Variants in DNM3 observed in about 807,000 individuals in gnomAD.
DNM3 encodes dynamin 3, also known as dynamin-3.
In DNM3, 47 loss-of-function variants were observed where a neutral mutation model predicts 101.6. The observed-to-expected ratio is 0.46, with a 90% CI of 0.37 to 0.59. DNM3 has a LOEUF of 0.59. Ranked by LOEUF, DNM3 falls within the 20% of genes least tolerant of loss-of-function variation. The pLI, the probability that DNM3 is intolerant of heterozygous loss-of-function variation, is 0.00. For synonymous variants in DNM3, 385 were observed against 387.9 expected (o/e 0.99, Z 0.09); for missense variants, 849 against 1,085.7 (o/e 0.78, Z 3.06).
chr1:172,230,566 A>C (rs1376454578), intron 14 of DNM3, among the ~76,000 whole-genome samples: 1 of 152,172 alleles, frequency 6.6e-6, no homozygotes, highest in Admixed American at 6.5e-5. Context: ...ATATAGTAAC[A>C]GTGTTTTAAC....
At chr1:172,372,199 AATG>A (rs965664996) in intron 17 of DNM3, among the ~76,000 whole-genome samples, 5 of 151,310 alleles carry the variant, frequency 3.3e-5, no homozygotes, top group Non-Finnish European at 7.4e-5. Context: ...GTTTACTGAG[AATG>A]ATGATTTCCA....
intron 13 of DNM3, among the ~76,000 whole-genome samples, chr1:172,120,762 G>A (rs1302156871): frequency 6.6e-6 from 1 of 152,194 alleles, no homozygotes; most frequent in African/African-American, 2.4e-5. Context: ...ACCAACCAGA[G>A]TTATAACTTT....
intron 14 of DNM3, chr1:172,137,764 A>G (rs1455647595): frequency 6.6e-6 from 1 of 152,196 alleles, no homozygotes; most frequent in African/African-American, 2.4e-5. Flanking sequence ...GAACTAAATA[A>G]AAGTTGACAC....
At chr1:172,069,724 G>A (rs924291258) in intron 11 of DNM3, among the ~76,000 whole-genome samples, 3 of 152,140 alleles carry the variant, frequency 2.0e-5, no homozygotes, top group African/African-American at 7.2e-5. Flanking sequence ...CCATGTGCTC[G>A]CCACAAAATA....
Position 172,257,632 on chromosome 1 carries a change from C to T in DNM3, c.1769+3950C>T, listed in dbSNP as rs555115300. On this transcript the variant is annotated intron_variant, in intron 15 of 20. Coordinates refer to ENST00000627582, the MANE Select transcript of DNM3 (RefSeq NM_015569.5). ...ATGGAGTACATGTGATATTCTATTA[C>T]ACGCATAGCATATGTAATTATCAAA... is the stretch of plus-strand genomic sequence containing the variant. 3.9e-5 allele frequency among the ~76,000 whole-genome samples: 6 copies of T among 152,120 alleles called. No individual in the cohort carries two copies. The South Asian group carries it at 1.2e-3, about 32-fold the overall frequency.
intron 4 of DNM3, among the ~76,000 whole-genome samples, chr1:172,030,090 T>G (rs904574980): frequency 6.6e-6 from 1 of 152,032 alleles, no homozygotes; most frequent in Non-Finnish European, 1.5e-5. Context: ...AAAGAGCCCA[T>G]GTAGCCAAGA....
At chr1:172,007,454 C>G (rs1298379551) in intron 4 of DNM3, among the ~76,000 whole-genome samples, 1 of 152,106 alleles carries the variant, frequency 6.6e-6, no homozygotes, top group African/African-American at 2.4e-5. Flanking sequence ...AATGTCTGTT[C>G]AAATCTTTTG....
At chr1:172,110,018 A>G (rs955480954) in intron 13 of DNM3, among the ~76,000 whole-genome samples, 7 of 152,192 alleles carry the variant, frequency 4.6e-5, no homozygotes, top group African/African-American at 1.7e-4. Context: ...TTTGGTGCAA[A>G]CAAAAAAAAT....
intron 11 of DNM3, among the ~76,000 whole-genome samples, chr1:172,072,120 G>A (rs2052246218): frequency 6.6e-6 from 1 of 152,120 alleles, no homozygotes; most frequent in Admixed American, 6.5e-5. Context: ...CCTTATAGTG[G>A]CAACAATTTA....
Position 172,409,998 on chromosome 1 carries a change from C to T in DNM3, c.*2157C>T. 1.0e-6 allele frequency: 1 copy of T among 985,696 alleles called. No individual in the cohort carries two copies. The highest frequency in any genetic ancestry group is 1.2e-6 in the Non-Finnish European group (1 of 829,852). The allele number at this position is 985,696 out of a possible 1,614,324, so 61.1% of individuals were successfully genotyped here. A position where few individuals can be genotyped will look rare whatever the true frequency, so the allele number is the denominator to read the frequency against. ...GATCTTAGGCAGTAATAAACAATGGCATTTGTCATCTTTGGCACTTGCTTT... is the reference window on the plus strand; with the variant it reads ...GATCTTAGGCAGTAATAAACAATGGTATTTGTCATCTTTGGCACTTGCTTT... On this transcript the variant is annotated 3_prime_UTR_variant, in exon 21 of 21. Coordinates refer to ENST00000627582, the MANE Select transcript of DNM3 (RefSeq NM_015569.5).
At chr1:172,100,204 A>G (rs1040469416) in intron 13 of DNM3, among the ~76,000 whole-genome samples, 15 of 152,166 alleles carry the variant, frequency 9.9e-5, no homozygotes, top group African/African-American at 3.6e-4. Flanking sequence ...GGCTTCTCAA[A>G]CCTACAGGTC....
intron 14 of DNM3, among the ~76,000 whole-genome samples, chr1:172,188,742 G>T (rs1042198285): frequency 6.6e-6 from 1 of 152,038 alleles, no homozygotes; most frequent in Non-Finnish European, 1.5e-5. Context: ...GTTTAGTTTT[G>T]TAAGAAACTA....
At chr1:172,323,282 T>G in intron 16 of DNM3, 47 bp from the exon 17 acceptor site, 1 of 1,535,480 alleles carries the variant, frequency 6.5e-7, no homozygotes, top group Non-Finnish European at 8.8e-7. Flanking sequence ...AAAATAAATT[T>G]CTGTTTAACA....
chr1:172,146,983 C>T (rs779606692), intron 14 of DNM3, among the ~76,000 whole-genome samples: 1 of 152,068 alleles, frequency 6.6e-6, no homozygotes, highest in Non-Finnish European at 1.5e-5. Context: ...CATTATGACT[C>T]GTGAAACATT....
intron 2 of DNM3, among the ~76,000 whole-genome samples, chr1:171,974,563 A>G (rs1472530037): frequency 1.3e-5 from 2 of 152,258 alleles, no homozygotes; most frequent in Non-Finnish European, 2.9e-5. Context: ...AAAGAAAACC[A>G]TAATACAAAG....
chr1:171,931,174 A>G (rs2040977370), intron 2 of DNM3, among the ~76,000 whole-genome samples: 1 of 152,234 alleles, frequency 6.6e-6, no homozygotes, highest in Non-Finnish European at 1.5e-5. Flanking sequence ...AAATATTTGG[A>G]AAAATATTCC....
intron 4 of DNM3, among the ~76,000 whole-genome samples, chr1:172,012,850 GA>G (rs2047216585): frequency 1.3e-5 from 2 of 151,896 alleles, no homozygotes; most frequent in African/African-American, 4.8e-5. Context: ...GGGTTATTCA[GA>G]ATTGTTGAAA....
chr1:172,397,815 A>T (rs1369517120), intron 20 of DNM3, among the ~76,000 whole-genome samples: 2 of 151,622 alleles, frequency 1.3e-5, no homozygotes, highest in Non-Finnish European at 2.9e-5. Context: ...TGGCTATTTG[A>T]TGTATATTGT....
At chr1:172,133,049 C>G (rs914243285) in intron 14 of DNM3, 2 of 1,477,002 alleles carry the variant, frequency 1.4e-6, no homozygotes, top group African/African-American at 2.9e-5. Flanking sequence ...CCAAGCCAAC[C>G]TCATCCCACA....
Sources: gnomAD v4.1 joint callset for allele counts (sites outside exome capture counted in the v4.1 genomes callset) on GRCh38, gnomAD v4.1.1 for gene constraint, MANE v1.5 for transcripts, NCBI Gene and HGNC (gene_info 2026-07-23, HGNC 2026-07-21) for gene names.